The following EFR3A variants were observed in gnomAD, a reference collection of about 807,000 sequenced individuals.
The protein encoded by EFR3A is protein EFR3 homolog A.
EFR3A carries 76 observed loss-of-function variants against 104.4 expected under a neutral mutation model. That is an observed-to-expected ratio of 0.73 (90% CI 0.60 to 0.88). EFR3A has a LOEUF of 0.88. Ranked by LOEUF, EFR3A falls within the 40% of genes least tolerant of loss-of-function variation. EFR3A has a pLI of 0.00. For missense variants in EFR3A, 985 were observed against 1,012.5 expected (o/e 0.97, Z 0.37); for synonymous variants, 330 against 330.0 (o/e 1.00, Z 0.00).
In EFR3A at chr8:131,976,023, A is replaced by G; in HGVS notation, c.1160-4A>G. On this transcript the variant is annotated splice_region_variant and splice_polypyrimidine_tract_variant and intron_variant, in intron 10 of 22. Coordinates refer to ENST00000254624, the MANE Select transcript of EFR3A (RefSeq NM_015137.6). The stretch of plus-strand genomic sequence containing the variant: ...TTCTAAAATTTGTCTTAATACTTTC[A>G]TAGGATTTTTTGGAAGTAACCTACC... 1 of 1,561,312 alleles carries G rather than the reference A, an allele frequency of 6.4e-7. No individual in the cohort carries two copies. Among genetic ancestry groups the G allele is most frequent in the Non-Finnish European group, 8.7e-7 (1 of 1,143,826 alleles).
At chr8:131,917,651 T>C (rs1816806093) in intron 1 of EFR3A, among the ~76,000 whole-genome samples, 1 of 152,206 alleles carries the variant, frequency 6.6e-6, no homozygotes, top group South Asian at 2.1e-4. Flanking sequence ...GTTCTATTGA[T>C]TCTTTTAATT....
intron 1 of EFR3A, among the ~76,000 whole-genome samples, chr8:131,922,165 T>C (rs1341844339): frequency 5.3e-5 from 8 of 152,194 alleles, no homozygotes; most frequent in African/African-American, 1.9e-4. Flanking sequence ...TGCAGCCTTC[T>C]TGTGTGTATC....
chr8:131,924,105 T>C (rs1247008115), intron 1 of EFR3A: 6 of 444,434 alleles, frequency 1.4e-5, no homozygotes, highest in Non-Finnish European at 2.7e-5. Flanking sequence ...AAATGAATGC[T>C]TATTAGATTG....
rs546132578 is a variant in EFR3A at position 131,964,561 on chromosome 8, C to T, written c.856-3734C>T. On this transcript the variant is annotated intron_variant, in intron 8 of 22. Coordinates refer to ENST00000254624, the MANE Select transcript of EFR3A (RefSeq NM_015137.6). ...AGGAGAACTACAAACCACTGCTCAACGAAATAAAAGACTATATAAACAAAT... is the reference window on the plus strand; with the variant it reads ...AGGAGAACTACAAACCACTGCTCAATGAAATAAAAGACTATATAAACAAAT... 1.1e-4 allele frequency among the ~76,000 whole-genome samples: 17 copies of T among 152,090 alleles called. No homozygotes were observed. In the East Asian group the frequency reaches 2.1e-3, roughly 19 times the overall value.
rs901097849 is a variant in EFR3A at position 131,986,140 on chromosome 8, A to G, written c.1870-54A>G. On this transcript the variant is annotated intron_variant, in intron 16 of 22. Transcript: ENST00000254624. ...AGCTGTTTTCTGAATTTTTATAGCA[A>G]GGTACTGAGGGGTAGGGTTTTTGAT... The G allele has an allele frequency of 1.8e-5, 15 of 822,004 alleles. No individual in the cohort carries two copies. The Admixed American group carries it at 3.1e-4, about 17-fold the overall frequency. 50.9% of individuals were successfully genotyped at this position (822,004 alleles called of 1,614,324 possible).
chr8:131,999,512 G>A (rs1280897513), intron 19 of EFR3A, among the ~76,000 whole-genome samples: 1 of 152,204 alleles, frequency 6.6e-6, no homozygotes, highest in African/African-American at 2.4e-5. Flanking sequence ...TAAAGGGAAT[G>A]TTGAAATTCC....
At chr8:131,919,670 C>A (rs1044936101) in intron 1 of EFR3A, among the ~76,000 whole-genome samples, 11 of 151,456 alleles carry the variant, frequency 7.3e-5, no homozygotes, top group Non-Finnish European at 1.6e-4. Flanking sequence ...TAAACAAAAT[C>A]CCTGGGAAAT....
At chr8:131,925,351 A>G (rs1817245561) in intron 1 of EFR3A, among the ~76,000 whole-genome samples, 1 of 152,156 alleles carries the variant, frequency 6.6e-6, no homozygotes, top group Non-Finnish European at 1.5e-5. Flanking sequence ...AGTTAGTTAA[A>G]TTCAACAGCA....
rs576884483 is a variant in EFR3A, at chr8:132,012,738, G to T, written c.*1843G>T. 1 of 152,062 alleles carries T rather than the reference G, an allele frequency of 6.6e-6. No homozygotes were observed. Among genetic ancestry groups the T allele is most frequent in the South Asian group, 2.1e-4 (1 of 4,814 alleles). The allele number at this position is 152,062 out of a possible 1,614,324, so 9.4% of individuals were successfully genotyped here. A position where few individuals can be genotyped will look rare whatever the true frequency, so the allele number is the denominator to read the frequency against. On this transcript the variant is annotated 3_prime_UTR_variant, in exon 23 of 23. Transcript: ENST00000254624. The stretch of plus-strand genomic sequence containing the variant: ...AGATTAACACTGTGTGCTTTTGTAT[G>T]GAAAAAATATATATAATTTAATAGT...
At chr8:131,980,688 G>C (rs1169182594) in intron 14 of EFR3A, among the ~76,000 whole-genome samples, 1 of 151,832 alleles carries the variant, frequency 6.6e-6, no homozygotes, top group Non-Finnish European at 1.5e-5. Flanking sequence ...TACTCTCTTA[G>C]TTATTTTGAA....
At chr8:131,979,091 T>G in intron 13 of EFR3A, 72 bp downstream of exon 13, 1 of 1,413,390 alleles carries the variant, frequency 7.1e-7, no homozygotes, top group Non-Finnish European at 9.5e-7. Context: ...TTAAGTATTG[T>G]GATTTTTAAA....
intron 1 of EFR3A, among the ~76,000 whole-genome samples, chr8:131,933,117 A>T (rs1330352825): frequency 6.6e-6 from 1 of 152,154 alleles, no homozygotes; most frequent in Non-Finnish European, 1.5e-5. Context: ...AGTACTACTG[A>T]TATTGTAGAA....
At chr8:131,986,117 C>T in intron 16 of EFR3A, 77 bp from the exon 17 acceptor site, 2 of 611,830 alleles carry the variant, frequency 3.3e-6, no homozygotes, top group Non-Finnish European at 5.6e-6. Context: ...TTTTTTTAAG[C>T]TGTTTTCTGA....
At chr8:131,952,277 A>G (rs1818746036) in intron 5 of EFR3A, among the ~76,000 whole-genome samples, 1 of 152,142 alleles carries the variant, frequency 6.6e-6, no homozygotes, top group Non-Finnish European at 1.5e-5. Flanking sequence ...AAATTGTTCA[A>G]CATTTCTATG....
At chr8:131,982,833 T>A (rs1820682039) in intron 14 of EFR3A, among the ~76,000 whole-genome samples, 1 of 152,012 alleles carries the variant, frequency 6.6e-6, no homozygotes, top group African/African-American at 2.4e-5. Context: ...CTTATGTGTT[T>A]GAGAGAGAGA....
intron 8 of EFR3A, among the ~76,000 whole-genome samples, chr8:131,963,317 C>A (rs997485126): frequency 6.6e-6 from 1 of 152,120 alleles, no homozygotes; most frequent in African/African-American, 2.4e-5. Flanking sequence ...AATTGATAGA[C>A]TGCTAGCAAG....
chr8:131,943,898 G>A (rs79758789), intron 2 of EFR3A, among the ~76,000 whole-genome samples: 1,873 of 151,760 alleles, frequency 0.012, 38 homozygotes, highest in African/African-American at 0.043. Flanking sequence ...AGAGAGGAGA[G>A]AGGCACCAAA....
chr8:131,935,208 G>A (rs1307691095), intron 1 of EFR3A, among the ~76,000 whole-genome samples: 1 of 152,138 alleles, frequency 6.6e-6, no homozygotes, highest in Non-Finnish European at 1.5e-5. Context: ...GTGTTTTATG[G>A]TGGACAGTGT....
intron 1 of EFR3A, among the ~76,000 whole-genome samples, chr8:131,939,028 C>A (rs1818039281): frequency 6.6e-6 from 1 of 152,020 alleles, no homozygotes; most frequent in African/African-American, 2.4e-5. Context: ...TATGGGCTTA[C>A]AACAAAGATT....
Sources: allele counts gnomAD v4.1 joint callset (sites outside exome capture counted in the v4.1 genomes callset), GRCh38; gene constraint gnomAD v4.1.1; transcripts MANE v1.5; gene names NCBI Gene and HGNC (gene_info 2026-07-23, HGNC 2026-07-21).